The following DOK6 variants were observed in gnomAD, a reference collection of about 807,000 sequenced individuals.
DOK6 encodes the protein docking protein 6.
In DOK6, 22 loss-of-function variants were observed where a neutral mutation model predicts 44.0. That is an observed-to-expected ratio of 0.50 (90% confidence interval 0.36 to 0.71). DOK6 has a LOEUF of 0.71. Among genes scored for constraint, DOK6 ranks in the 30% least tolerant of loss-of-function variants. DOK6 has a pLI of 0.00. For missense variants in DOK6, 340 were observed against 416.4 expected, an observed-to-expected ratio of 0.82 and a Z score of 1.60; for synonymous variants, 166 against 145.5, an observed-to-expected ratio of 1.14 and a Z score of -1.01.
At position 69,401,310 on chromosome 18, in the gene DOK6, G is replaced by A; in HGVS notation, c.66G>A (p.Gly22=). ...TGAAAATCCGCAGCAGGAAGCTTGG[G>A]GTGAGTGGCTCGCTCGGCTTGCTCC... ...GYVKIRSRKL[G]IFRRCWLVFK... Residue 22 remains glycine, a splice_region_variant and synonymous_variant, in exon 1 of 8, where the codon GGG becomes GGA. Coordinates refer to ENST00000382713, the MANE Select transcript of DOK6 (RefSeq NM_152721.6). The A allele has an allele frequency of 6.4e-7, 1 of 1,559,210 alleles. No homozygotes were observed. The highest frequency in any genetic ancestry group is 8.7e-7 in the Non-Finnish European group (1 of 1,152,960).
At chr18:69,815,584 A>G (rs1568134350) in intron 7 of DOK6, among the ~76,000 whole-genome samples, 1 of 152,188 alleles carries the variant, frequency 6.6e-6, no homozygotes, top group East Asian at 1.9e-4. Flanking sequence ...AATTTAAATA[A>G]AAGCAAATGA....
chr18:69,740,974 G>C (rs1049882715), intron 6 of DOK6, among the ~76,000 whole-genome samples: 2 of 152,142 alleles, frequency 1.3e-5, no homozygotes, highest in Non-Finnish European at 2.9e-5. Context: ...TATGTTTCTC[G>C]TGTCCTGTGC....
chr18:69,589,540 T>C (rs188179098), intron 2 of DOK6, among the ~76,000 whole-genome samples: 1 of 152,234 alleles, frequency 6.6e-6, no homozygotes, highest in East Asian at 1.9e-4. Context: ...GCTTTAATGG[T>C]CAGATAATCT....
chr18:69,770,567 G>C (rs1979857810), intron 7 of DOK6, among the ~76,000 whole-genome samples: 1 of 152,070 alleles, frequency 6.6e-6, no homozygotes, highest in South Asian at 2.1e-4. Context: ...GGTGTCCAAA[G>C]ATGACTTGTA....
chr18:69,745,753 A>C (rs1432677853), intron 6 of DOK6, among the ~76,000 whole-genome samples: 1 of 152,212 alleles, frequency 6.6e-6, no homozygotes, highest in African/African-American at 2.4e-5. Context: ...ATATCATAAT[A>C]TGTACTTCAC....
Position 69,593,377 on chromosome 18 carries a change from AG to A in DOK6, c.175-6006del, listed in dbSNP as rs1198532182. On this transcript the variant is annotated intron_variant, in intron 2 of 7. Coordinates refer to ENST00000382713, the MANE Select transcript of DOK6 (RefSeq NM_152721.6). ...ACAGAACAAGGCCCTGTCTCTTAAAAGAAAAAAAAAAAAGAAAGAAAAAAGT... is the reference window on the plus strand; with the variant it reads ...ACAGAACAAGGCCCTGTCTCTTAAAAAAAAAAAAAAAAGAAAGAAAAAAGT... Among the ~76,000 whole-genome samples, 619 of 149,622 alleles carry A rather than the reference AG, an allele frequency of 4.1e-3. 5 individuals are homozygous for A. Among genetic ancestry groups the A allele is most frequent in the African/African-American group, 0.015 (578 of 39,810 alleles).
In DOK6 at chr18:69,737,738, C is replaced by A. The variant is rs115785465; in HGVS notation, c.600-1227C>A. ...GACAAAAATCCCTCCTGTAAGCATG[C>A]AAGCTCTTGCGCGGGGCAGAGTCAA... On this transcript the variant is annotated intron_variant, in intron 5 of 7. Coordinates refer to ENST00000382713, the MANE Select transcript of DOK6 (RefSeq NM_152721.6). 6.5e-3 allele frequency among the ~76,000 whole-genome samples: 988 copies of A among 152,270 alleles called. 16 individuals are homozygous for A. Among genetic ancestry groups the A allele is most frequent in the African/African-American group, 0.023 (953 of 41,544 alleles).
intron 1 of DOK6, chr18:69,483,927 C>T (rs879780839): frequency 6.6e-6 from 1 of 152,030 alleles, no homozygotes; most frequent in Non-Finnish European, 1.5e-5. Context: ...ATATGCCAAA[C>T]TGGGTTTGTT....
intron 1 of DOK6, among the ~76,000 whole-genome samples, chr18:69,527,310 G>A (rs1157067015): frequency 1.3e-5 from 2 of 152,180 alleles, no homozygotes; most frequent in Non-Finnish European, 2.9e-5. Flanking sequence ...AAGGAAAGAG[G>A]TTTAATTGAC....
intron 1 of DOK6, among the ~76,000 whole-genome samples, chr18:69,434,889 T>G (rs1359317299): frequency 7.5e-6 from 1 of 133,286 alleles, no homozygotes; most frequent in Non-Finnish European, 1.5e-5. Flanking sequence ...GCCACTGCAC[T>G]CCAGTCTGGC....
intron 5 of DOK6, among the ~76,000 whole-genome samples, chr18:69,700,097 T>G (rs1986479825): frequency 6.6e-6 from 1 of 151,828 alleles, no homozygotes; most frequent in South Asian, 2.1e-4. Flanking sequence ...GCCCCCATGA[T>G]TCAGTTATCT....
intron 5 of DOK6, among the ~76,000 whole-genome samples, chr18:69,732,534 A>G (rs2144732491): frequency 6.6e-6 from 1 of 152,340 alleles, no homozygotes; most frequent in South Asian, 2.1e-4. Context: ...ACTAAAGCCA[A>G]ACTCCAGAGT....
chr18:69,831,700 C>A (rs188351332), intron 7 of DOK6, among the ~76,000 whole-genome samples: 1 of 152,172 alleles, frequency 6.6e-6, no homozygotes, highest in African/African-American at 2.4e-5. Context: ...GCTACTGAGA[C>A]CCTGAGATCT....
chr18:69,667,377 G>T (rs1234826997), intron 3 of DOK6, among the ~76,000 whole-genome samples: 1 of 152,090 alleles, frequency 6.6e-6, no homozygotes, highest in Non-Finnish European at 1.5e-5. Flanking sequence ...TCCAACTTCT[G>T]TTTCTCTTCT....
At chr18:69,644,765 G>A (rs950899146) in intron 3 of DOK6, among the ~76,000 whole-genome samples, 1 of 152,142 alleles carries the variant, frequency 6.6e-6, no homozygotes, top group African/African-American at 2.4e-5. Flanking sequence ...TAATTGCTGT[G>A]TCTTGAGTAA....
intron 7 of DOK6, among the ~76,000 whole-genome samples, chr18:69,800,396 T>C (rs11660253): frequency 0.049 from 7,506 of 152,216 alleles, 258 homozygotes; most frequent in South Asian, 0.16. Context: ...AAATCACTTA[T>C]GCTAGAGAAA....
intron 7 of DOK6, among the ~76,000 whole-genome samples, chr18:69,767,544 G>A (rs369592317): frequency 0.089 from 11 of 124 alleles, no homozygotes; most frequent in African/African-American, 0.14. Flanking sequence ...CCAGTGCAGA[G>A]GAGAATGCCC....
intron 1 of DOK6, among the ~76,000 whole-genome samples, chr18:69,543,916 A>T (rs1363071367): frequency 6.6e-6 from 1 of 151,426 alleles, no homozygotes; most frequent in Non-Finnish European, 1.5e-5. Flanking sequence ...AATATATTGA[A>T]GGGGTAATGA....
intron 1 of DOK6, among the ~76,000 whole-genome samples, chr18:69,558,576 T>A (rs942127365): frequency 6.6e-6 from 1 of 152,184 alleles, no homozygotes; most frequent in African/African-American, 2.4e-5. Flanking sequence ...ATAAATTATA[T>A]GCTTTCATTA....
Sources: gnomAD v4.1 joint callset for allele counts (sites outside exome capture counted in the v4.1 genomes callset) on GRCh38, gnomAD v4.1.1 for gene constraint, MANE v1.5 for transcripts, NCBI Gene and HGNC (gene_info 2026-07-23, HGNC 2026-07-21) for gene names.